Variants in KIF26B observed in about 807,000 individuals in gnomAD.
The protein encoded by KIF26B is kinesin family member 26B.
KIF26B carries 63 observed loss-of-function variants against 151.2 expected under a neutral mutation model. The observed-to-expected ratio is 0.42, with a 90% CI of 0.34 to 0.51. KIF26B has a LOEUF of 0.51. Ranked by LOEUF, KIF26B falls within the 20% of genes least tolerant of loss-of-function variation. KIF26B has a pLI of 0.07. For missense variants in KIF26B, 2,813 were observed against 2,913.6 expected, an observed-to-expected ratio of 0.97 and a Z score of 0.79; for synonymous variants, 1,357 against 1,262.1, an observed-to-expected ratio of 1.08 and a Z score of -1.59.
intron 10 of KIF26B, among the ~76,000 whole-genome samples, chr1:245,678,330 A>C (rs1337591536): frequency 1.3e-5 from 2 of 151,868 alleles, no homozygotes; most frequent in African/African-American, 4.8e-5. Context: ...GGCAATCCTC[A>C]TCCAGCATCT....
At chr1:245,304,143 G>C (rs1231433079) in intron 2 of KIF26B, among the ~76,000 whole-genome samples, 1 of 152,128 alleles carries the variant, frequency 6.6e-6, no homozygotes, top group African/African-American at 2.4e-5. Context: ...CACTGTCTTT[G>C]GGAGAAAGAA....
chr1:245,282,948 C>A, intron 2 of KIF26B: 2 of 317,408 alleles, frequency 6.3e-6, no homozygotes, highest in South Asian at 3.8e-5. Context: ...TCTGTAGTAG[C>A]CACCACCGAA....
At chr1:245,649,453 C>T (rs1030531989) in intron 10 of KIF26B, among the ~76,000 whole-genome samples, 7 of 152,138 alleles carry the variant, frequency 4.6e-5, no homozygotes, top group African/African-American at 1.7e-4. Context: ...GCAGGAAAGC[C>T]CCGATTTCTT....
At chr1:245,407,960 G>T (rs1674176667) in intron 3 of KIF26B, among the ~76,000 whole-genome samples, 1 of 148,104 alleles carries the variant, frequency 6.8e-6, no homozygotes, top group Admixed American at 6.7e-5. Flanking sequence ...TGATCATTCA[G>T]TGCGGGGAAC....
chr1:245,387,955 A>G (rs549227052), intron 3 of KIF26B, among the ~76,000 whole-genome samples: 11 of 152,278 alleles, frequency 7.2e-5, no homozygotes, highest in African/African-American at 2.6e-4. Context: ...CTTTGTTCTC[A>G]TGCGTGCTTC....
At chr1:245,184,886 G>A (rs984070429) in intron 2 of KIF26B, among the ~76,000 whole-genome samples, 3 of 152,184 alleles carry the variant, frequency 2.0e-5, no homozygotes, top group Non-Finnish European at 1.5e-5. Flanking sequence ...TATTATTGCT[G>A]TAGCAGATAG....
chr1:245,557,280 T>G (rs528508037), intron 5 of KIF26B, among the ~76,000 whole-genome samples: 4 of 152,328 alleles, frequency 2.6e-5, no homozygotes, highest in African/African-American at 9.6e-5. Context: ...AGATTTTAAG[T>G]AGACTTGAAT....
intron 12 of KIF26B, among the ~76,000 whole-genome samples, chr1:245,696,079 C>T (rs1026579720): frequency 6.6e-6 from 1 of 152,268 alleles, no homozygotes; most frequent in Non-Finnish European, 1.5e-5. Context: ...AAGATGGCCC[C>T]CATGGTCTCT....
chr1:245,525,189 T>A (rs572581639), intron 4 of KIF26B, among the ~76,000 whole-genome samples: 2 of 152,308 alleles, frequency 1.3e-5, no homozygotes, highest in South Asian at 4.1e-4. Context: ...AACTATTTTT[T>A]ATATCCAAAT....
In KIF26B at chr1:245,272,823, A is replaced by G. The variant is rs978232122; in HGVS notation, c.466-94011A>G. On this transcript the variant is annotated intron_variant, in intron 2 of 14. Transcript: ENST00000407071. ...TTGTTTCGTTTTCACATATTTGTGA[A>G]TTTTCCAGGTTTTCTTCTGCTATTG... Among the ~76,000 whole-genome samples the G allele has an allele frequency of 2.6e-5, 4 of 152,046 alleles. No homozygotes were observed. The South Asian group carries it at 8.3e-4, about 32-fold the overall frequency.
At position 245,706,770 on chromosome 1, in the gene KIF26B, C is replaced by T. The variant is rs1246921130; in HGVS notation, c.*4164C>T. 1.3e-5 allele frequency: 2 copies of T among 152,208 alleles called. No individual in the cohort carries two copies. Among genetic ancestry groups the T allele is most frequent in the African/African-American group, 4.8e-5 (2 of 41,452 alleles). 9.4% of individuals were successfully genotyped at this position (152,208 alleles called of 1,614,324 possible). A position where few individuals can be genotyped will look rare whatever the true frequency, so the allele number is the denominator to read the frequency against. On this transcript the variant is annotated 3_prime_UTR_variant, in exon 15 of 15. Transcript: ENST00000407071. ...GGCCCAGCTGTCCCCCCATGAAGGA[C>T]ACTCTTCAATGCCACCACACGGGAG...
intron 10 of KIF26B, among the ~76,000 whole-genome samples, chr1:245,648,057 T>A (rs1357083495): frequency 6.6e-6 from 1 of 151,878 alleles, no homozygotes; most frequent in Admixed American, 6.6e-5. Flanking sequence ...AAGGGAAGAG[T>A]ACTAGCACTC....
intron 10 of KIF26B, among the ~76,000 whole-genome samples, chr1:245,661,034 T>C (rs2044131632): frequency 6.6e-6 from 1 of 151,152 alleles, no homozygotes; most frequent in African/African-American, 2.4e-5. Context: ...TTGTCCGGGC[T>C]GGAGTGCAGT....
intron 2 of KIF26B, among the ~76,000 whole-genome samples, chr1:245,337,654 A>G (rs1672263511): frequency 6.6e-6 from 1 of 152,100 alleles, no homozygotes; most frequent in African/African-American, 2.4e-5. Context: ...AATTCAATAA[A>G]TATTTATTGA....
chr1:245,242,324 T>G (rs535274481), intron 2 of KIF26B, among the ~76,000 whole-genome samples: 1 of 152,314 alleles, frequency 6.6e-6, no homozygotes, highest in South Asian at 2.1e-4. Flanking sequence ...CTCGTTTTAT[T>G]TTAAAGAATG....
At chr1:245,449,578 A>G (rs977411299) in intron 4 of KIF26B, among the ~76,000 whole-genome samples, 1 of 152,138 alleles carries the variant, frequency 6.6e-6, no homozygotes, top group Non-Finnish European at 1.5e-5. Flanking sequence ...TCCACTTTGT[A>G]CTGTTAATCA....
Position 245,358,690 on chromosome 1 carries a change from T to G in KIF26B, c.466-8144T>G, listed in dbSNP as rs1284354586. Among the ~76,000 whole-genome samples, 1 of 152,200 alleles carries G rather than the reference T, an allele frequency of 6.6e-6. No individual in the cohort carries two copies. The highest frequency in any genetic ancestry group is 2.4e-5 in the African/African-American group (1 of 41,452). Reference sequence around the variant, plus strand: ...TACTTGCAGATTGAAAATAATTCCATTTGCTGCCTGCTGGCACATTAAAGC... The same window carrying G: ...TACTTGCAGATTGAAAATAATTCCAGTTGCTGCCTGCTGGCACATTAAAGC... On this transcript the variant is annotated intron_variant, in intron 2 of 14. Transcript: ENST00000407071. The surrounding 1 kb of genome is among the most constrained non-coding windows in gnomAD (Gnocchi z 4.1).
intron 2 of KIF26B, among the ~76,000 whole-genome samples, chr1:245,205,723 T>G (rs1558344596): frequency 6.6e-6 from 1 of 151,268 alleles, no homozygotes; most frequent in African/African-American, 2.4e-5. Context: ...TCTTTTTTTT[T>G]TTTTTTAGAC....
At chr1:245,582,175 G>GGCAGCGGCC (rs2043181900) in intron 5 of KIF26B, among the ~76,000 whole-genome samples, 2 of 151,458 alleles carry the variant, frequency 1.3e-5, no homozygotes, top group Non-Finnish European at 2.9e-5. Context: ...TTTGCTGAAT[G>GGCAGCGGCC]ATGAGCAGGT....
Sources: gnomAD v4.1 joint callset for allele counts (sites outside exome capture counted in the v4.1 genomes callset) on GRCh38, gnomAD v4.1.1 for gene constraint, Gnocchi (gnomAD v3.1) non-coding constraint, MANE v1.5 for transcripts, NCBI Gene and HGNC (gene_info 2026-07-23, HGNC 2026-07-21) for gene names.